Variants in VWDE observed in about 807,000 individuals in gnomAD.
VWDE encodes von Willebrand factor D and EGF domains.
Under a neutral mutation model 178.4 loss-of-function variants are expected in VWDE, and 207 were observed. The observed-to-expected ratio is 1.16, with a 90% CI of 1.04 to 1.30. The LOEUF is 1.30. Ranked by LOEUF, VWDE falls within the 50% of genes most tolerant of loss-of-function variation. VWDE has a pLI of 0.00. For missense variants in VWDE, 2,287 were observed against 1,901.3 expected (o/e 1.20, Z -3.77); for synonymous variants, 738 against 651.4 (o/e 1.13, Z -2.02).
intron 15 of VWDE, among the ~76,000 whole-genome samples, chr7:12,360,648 A>G (rs1285898526): frequency 6.6e-6 from 1 of 152,156 alleles, no homozygotes. Context: ...ATAGACTAAG[A>G]AGAAGTTGTG....
At chr7:12,368,322 A>G (rs1457095928) in intron 12 of VWDE, among the ~76,000 whole-genome samples, 6 of 151,850 alleles carry the variant, frequency 4.0e-5, no homozygotes, top group Non-Finnish European at 8.8e-5. Context: ...CTATATTAAG[A>G]GAGATTAAGA....
chr7:12,351,586 A>C lies in VWDE; in HGVS notation c.3873T>G (p.Ser1291Arg), dbSNP rs897471880. The C allele has an allele frequency of 6.5e-7, 1 of 1,548,448 alleles. No homozygotes were observed. The highest frequency in any genetic ancestry group is 1.4e-5 in the African/African-American group (1 of 72,816). ...ACCATTACTTACTGAAGGCATTTCC[A>C]CTTGTTGGCTTAACATGCCTCTTTC... Reference protein sequence around the residue: ...QGRKRHVKPTSGNAFTICKYP... With the variant: ...QGRKRHVKPTRGNAFTICKYP... The change falls in exon 19 of 29, where the codon AGT (serine) becomes AGG (arginine). Residue 1291 changes from serine to arginine, a missense_variant. Physicochemically the swap from Ser to Arg is moderately radical, Grantham distance 110 (BLOSUM62 -1). Transcript: ENST00000275358.
At chr7:12,349,079 G>A (rs528893763) in intron 19 of VWDE, among the ~76,000 whole-genome samples, 7 of 152,132 alleles carry the variant, frequency 4.6e-5, no homozygotes, top group African/African-American at 7.2e-5. Context: ...CCTGTTGTGC[G>A]GTGCGGGGAG....
At chr7:12,345,877 G>A (rs73296510) in intron 19 of VWDE, among the ~76,000 whole-genome samples, 2,604 of 152,226 alleles carry the variant, frequency 0.017, 69 homozygotes, top group African/African-American at 0.059. Context: ...GTTGTGCTCA[G>A]TAACTTTTTG....
At chr7:12,331,548 C>A (rs1409504702) in intron 28 of VWDE, among the ~76,000 whole-genome samples, 1 of 152,140 alleles carries the variant, frequency 6.6e-6, no homozygotes, top group East Asian at 1.9e-4. Flanking sequence ...GTGTCTTTCC[C>A]CATCCTTTTC....
chr7:12,391,399 G>T (rs1784384240), intron 2 of VWDE, among the ~76,000 whole-genome samples: 1 of 152,174 alleles, frequency 6.6e-6, no homozygotes, highest in Non-Finnish European at 1.5e-5. Context: ...TGAGAGGGTG[G>T]GGATAGGGAA....
At chr7:12,384,144 T>C (rs1783985365) in intron 3 of VWDE, among the ~76,000 whole-genome samples, 1 of 152,126 alleles carries the variant, frequency 6.6e-6, no homozygotes. Flanking sequence ...GTTGTACATA[T>C]AGACAGCATG....
At position 12,392,850 on chromosome 7, in the gene VWDE, AC is replaced by A. The variant is rs1432009989; in HGVS notation, c.243+743del. ...CATCCGATGTGAGTTCATGTACAAAACCTTTTTAATTTTGTCCATTTAAACC... is the reference window on the plus strand; with the variant it reads ...CATCCGATGTGAGTTCATGTACAAAACTTTTTAATTTTGTCCATTTAAACC... On this transcript the variant is annotated intron_variant, in intron 2 of 28. Coordinates refer to ENST00000275358, the MANE Select transcript of VWDE (RefSeq NM_001135924.3). Among the ~76,000 whole-genome samples, 20 of 152,158 alleles carry A rather than the reference AC, an allele frequency of 1.3e-4. No homozygotes were observed. The East Asian group carries it at 3.1e-3, about 23-fold the overall frequency.
At chr7:12,347,055 C>T (rs925403451) in intron 19 of VWDE, among the ~76,000 whole-genome samples, 12 of 152,040 alleles carry the variant, frequency 7.9e-5, no homozygotes, top group Admixed American at 2.0e-4. Context: ...CCAAATATAG[C>T]CCCAAACATA....
rs541341005 is a variant in VWDE, at chr7:12,377,279, A to C, written c.1024+497T>G. Among the ~76,000 whole-genome samples, 6 of 152,324 alleles carry C rather than the reference A, an allele frequency of 3.9e-5. No homozygotes were observed. In the South Asian group the frequency reaches 1.2e-3, roughly 32 times the overall value. On this transcript the variant is annotated intron_variant, in intron 7 of 28. Transcript: ENST00000275358. ...TCAGTAATTGAAATAGAAGAATTTT[A>C]AGACACAAGATCCCAAACATAAACG...
At position 12,340,242 on chromosome 7, in the gene VWDE, C is replaced by T. The variant is rs1312227591; in HGVS notation, c.4366+80G>A. The T allele has an allele frequency of 1.1e-5, 12 of 1,116,342 alleles. No individual in the cohort carries two copies. The Admixed American group carries it at 3.1e-4, about 29-fold the overall frequency. The allele number at this position is 1,116,342 out of a possible 1,614,324, so 69.2% of individuals were successfully genotyped here. ...AAAAATCGCATCTTTCCCTTTGAAACTTGTCTCATGTTTACTCAGAGCTCT... is the reference window on the plus strand; with the variant it reads ...AAAAATCGCATCTTTCCCTTTGAAATTTGTCTCATGTTTACTCAGAGCTCT... On this transcript the variant is annotated intron_variant, in intron 24 of 28. Coordinates refer to ENST00000275358, the MANE Select transcript of VWDE (RefSeq NM_001135924.3).
chr7:12,379,332 C>G, intron 6 of VWDE, 145 bp downstream of exon 6: 1 of 479,846 alleles, frequency 2.1e-6, no homozygotes. Context: ...ATTACTGGGG[C>G]TTTTCTTCAA....
At chr7:12,335,412 A>G (rs1464230504) in intron 27 of VWDE, among the ~76,000 whole-genome samples, 1 of 152,252 alleles carries the variant, frequency 6.6e-6, no homozygotes, top group African/African-American at 2.4e-5. Context: ...AGCAACCGAA[A>G]TTAATTCTAG....
Position 12,367,502 on chromosome 7 carries a change from A to G in VWDE, c.2762-9T>C. On this transcript the variant is annotated splice_polypyrimidine_tract_variant and intron_variant, in intron 12 of 28. Coordinates refer to ENST00000275358, the MANE Select transcript of VWDE (RefSeq NM_001135924.3). ...AATTTCAGGAGCTTTGTCTTTGGAA[A>G]AAAAATATAACAAATACTACATATT... is the stretch of plus-strand genomic sequence containing the variant. The G allele has an allele frequency of 1.3e-6, 2 of 1,489,590 alleles. No homozygotes were observed. The highest frequency in any genetic ancestry group is 8.9e-7 in the Non-Finnish European group (1 of 1,121,648). 92.3% of individuals were successfully genotyped at this position (1,489,590 alleles called of 1,614,324 possible).
Position 12,357,473 on chromosome 7 carries a change from T to C in VWDE, c.3317A>G (p.Gln1106Arg), listed in dbSNP as rs372659196. 131 of 1,552,164 alleles carry C rather than the reference T, an allele frequency of 8.4e-5. 1 individual carries two copies. The African/African-American group carries it at 1.7e-3, about 20-fold the overall frequency. The change falls in exon 17 of 29, where the codon CAG becomes CGG. Residue 1106 changes from glutamine (Q) to arginine (R), a missense_variant. Coordinates refer to ENST00000275358, the MANE Select transcript of VWDE (RefSeq NM_001135924.3). ...PVIQALQDKL[Q>R]TFYGENFEYQ... ...CTCAAAGTTTTCACCATAAAATGTCTGTAATTTGTCTTGCAATGCTTGAAT... is the reference window on the plus strand; with the variant it reads ...CTCAAAGTTTTCACCATAAAATGTCCGTAATTTGTCTTGCAATGCTTGAAT...
chr7:12,394,599 C>T (rs1225502782), intron 1 of VWDE, among the ~76,000 whole-genome samples: 1 of 152,142 alleles, frequency 6.6e-6, no homozygotes, highest in Admixed American at 6.6e-5. Context: ...AAATGCAACT[C>T]TTGTTTGAGG....
At chr7:12,389,042 T>C (rs1784241990) in intron 3 of VWDE, 85 bp downstream of exon 3, 1 of 961,934 alleles carries the variant, frequency 1.0e-6, no homozygotes, top group Non-Finnish European at 1.6e-6. Flanking sequence ...AGATTTGCAC[T>C]AACTCAATAC....
At chr7:12,386,391 G>C (rs1041312344) in intron 3 of VWDE, among the ~76,000 whole-genome samples, 2 of 152,170 alleles carry the variant, frequency 1.3e-5, no homozygotes, top group African/African-American at 4.8e-5. Flanking sequence ...GCTGTGTACA[G>C]AATGTGAAGG....
chr7:12,401,135 T>C (rs1469598790), intron 1 of VWDE, among the ~76,000 whole-genome samples: 2 of 152,118 alleles, frequency 1.3e-5, no homozygotes, highest in African/African-American at 4.8e-5. Context: ...GATGCTTTCC[T>C]ATAAAATCAG....
Sources: allele counts gnomAD v4.1 joint callset (sites outside exome capture counted in the v4.1 genomes callset), GRCh38; gene constraint gnomAD v4.1.1; transcripts MANE v1.5; gene names NCBI Gene and HGNC (gene_info 2026-07-23, HGNC 2026-07-21).